TRAPPC9: variants seen among roughly 807,000 people sequenced by gnomAD.
TRAPPC9 encodes the protein IKK2 binding protein.
TRAPPC9 carries 83 observed loss-of-function variants against 124.0 expected under a neutral mutation model. That is an observed-to-expected ratio of 0.67 (90% CI 0.56 to 0.80). The LOEUF (loss-of-function observed/expected upper bound fraction) is 0.80, where lower values mean the gene tolerates loss of function less well. Among genes scored for constraint, TRAPPC9 ranks in the 30% least tolerant of loss-of-function variants. The pLI, the probability that TRAPPC9 is intolerant of heterozygous loss-of-function variation, is 0.00. For missense variants in TRAPPC9, 1,302 were observed against 1,508.3 expected, an observed-to-expected ratio of 0.86 and a Z score of 2.27; for synonymous variants, 638 against 617.5, an observed-to-expected ratio of 1.03 and a Z score of -0.49.
chr8:140,359,941 G>A (rs2067891690), intron 9 of TRAPPC9, 109 bp downstream of exon 9: 3 of 1,485,216 alleles, frequency 2.0e-6, no homozygotes, highest in Non-Finnish European at 1.9e-6. Context: ...GAGCTGGGCA[G>A]CATCTTCCAC....
At chr8:140,437,628 A>G (rs1472328849) in intron 3 of TRAPPC9, among the ~76,000 whole-genome samples, 2 of 152,152 alleles carry the variant, frequency 1.3e-5, no homozygotes, top group Non-Finnish European at 2.9e-5. Context: ...CGTCCCCAAG[A>G]ACGAAAGAAT....
intron 21 of TRAPPC9, among the ~76,000 whole-genome samples, chr8:139,881,519 A>T (rs1341550707): frequency 6.6e-6 from 1 of 152,102 alleles, no homozygotes; most frequent in Non-Finnish European, 1.5e-5. Context: ...TAGCAAATAG[A>T]CCTGCTCTGG....
intron 20 of TRAPPC9, among the ~76,000 whole-genome samples, chr8:139,886,452 C>T (rs985519252): frequency 5.9e-5 from 9 of 152,128 alleles, no homozygotes; most frequent in Non-Finnish European, 8.8e-5. Flanking sequence ...AGCTCATAAT[C>T]GAGGAAGCCA....
intron 16 of TRAPPC9, among the ~76,000 whole-genome samples, chr8:140,234,119 C>A (rs1430798218): frequency 6.6e-6 from 1 of 152,168 alleles, no homozygotes; most frequent in Non-Finnish European, 1.5e-5. Context: ...GGCCATGCAG[C>A]AGGAGGTGAG....
chr8:140,315,687 CAAATTAT>C (rs1346148310), intron 9 of TRAPPC9, among the ~76,000 whole-genome samples: 1 of 152,108 alleles, frequency 6.6e-6, no homozygotes, highest in Non-Finnish European at 1.5e-5. Context: ...TTTCCAAAAT[CAAATTAT>C]AAATTATATC....
At chr8:140,002,978 CA>C (rs1172998625) in intron 18 of TRAPPC9, among the ~76,000 whole-genome samples, 6 of 145,628 alleles carry the variant, frequency 4.1e-5, no homozygotes, top group African/African-American at 7.6e-5. Context: ...AAAAAAAGCA[CA>C]ACCAAAAGTA....
intron 17 of TRAPPC9, among the ~76,000 whole-genome samples, chr8:140,157,216 A>T (rs1400421665): frequency 6.9e-5 from 2 of 29,036 alleles, no homozygotes; most frequent in African/African-American, 1.6e-4. Context: ...TCCCTTTTCC[A>T]TTCAAAAGCC....
chr8:140,171,176 C>T (rs1341805347), intron 17 of TRAPPC9, among the ~76,000 whole-genome samples: 1 of 152,186 alleles, frequency 6.6e-6, no homozygotes, highest in Non-Finnish European at 1.5e-5. Flanking sequence ...TGGGGTTGGG[C>T]ATTTCTGGAT....
chr8:139,843,809 G>T (rs1220557110), intron 21 of TRAPPC9, among the ~76,000 whole-genome samples: 2 of 152,192 alleles, frequency 1.3e-5, no homozygotes, highest in Admixed American at 1.3e-4. Context: ...TAGCCCAGGA[G>T]CCCCACTTCT....
chr8:140,224,984 T>C (rs1195044160), intron 16 of TRAPPC9, among the ~76,000 whole-genome samples: 1 of 152,196 alleles, frequency 6.6e-6, no homozygotes, highest in African/African-American at 2.4e-5. Context: ...TCAAATAACC[T>C]TCTACAAGCT....
chr8:140,020,908 A>C (rs1839798303), intron 18 of TRAPPC9, among the ~76,000 whole-genome samples: 1 of 152,174 alleles, frequency 6.6e-6, no homozygotes, highest in Non-Finnish European at 1.5e-5. Flanking sequence ...TTCTCTTGAA[A>C]GTCTAACCGT....
chr8:139,951,410 G>A (rs772835332), intron 19 of TRAPPC9, among the ~76,000 whole-genome samples: 1 of 152,178 alleles, frequency 6.6e-6, no homozygotes, highest in South Asian at 2.1e-4. Context: ...TGCTGCCTGG[G>A]GGCAGGTGTC....
chr8:139,878,673 T>C (rs747736420), intron 21 of TRAPPC9, among the ~76,000 whole-genome samples: 14 of 152,164 alleles, frequency 9.2e-5, no homozygotes, highest in Non-Finnish European at 1.6e-4. Context: ...ACAGTTGCTT[T>C]GAAATTAGAG....
intron 17 of TRAPPC9, among the ~76,000 whole-genome samples, chr8:140,080,079 T>C (rs1843730616): frequency 6.6e-6 from 1 of 152,230 alleles, no homozygotes; most frequent in Admixed American, 6.5e-5. Flanking sequence ...GAATTAACCC[T>C]GTTTCATCAA....
chr8:140,283,816 A>T (rs980733184), intron 14 of TRAPPC9, 73 bp downstream of exon 14: 15 of 241,026 alleles, frequency 6.2e-5, no homozygotes, highest in Non-Finnish European at 8.5e-5. Context: ...TTGTGCCATT[A>T]AAAAAAAAAA....
intron 21 of TRAPPC9, among the ~76,000 whole-genome samples, chr8:139,831,171 C>A (rs953612519): frequency 1.3e-5 from 2 of 152,210 alleles, no homozygotes; most frequent in Non-Finnish European, 2.9e-5. Context: ...CAAGTTCACA[C>A]TCTAAGCTTC....
At chr8:140,210,899 T>G (rs1469228217) in intron 17 of TRAPPC9, among the ~76,000 whole-genome samples, 1 of 152,214 alleles carries the variant, frequency 6.6e-6, no homozygotes, top group East Asian at 1.9e-4. Flanking sequence ...TCCTCGCCGC[T>G]GATGGGAACA....
At chr8:140,028,773 T>C (rs180881543) in intron 17 of TRAPPC9, among the ~76,000 whole-genome samples, 41 of 152,274 alleles carry the variant, frequency 2.7e-4, no homozygotes, top group Non-Finnish European at 1.5e-4. Flanking sequence ...CGTTGTGTCA[T>C]GGATAAGTGT....
At chr8:139,862,864 G>A (rs1828258837) in intron 21 of TRAPPC9, among the ~76,000 whole-genome samples, 1 of 152,232 alleles carries the variant, frequency 6.6e-6, no homozygotes, top group Admixed American at 6.5e-5. Context: ...CCTTCCCACA[G>A]CCTAGGTCAT....
Sources: allele counts gnomAD v4.1 joint callset (sites outside exome capture counted in the v4.1 genomes callset), GRCh38; gene constraint gnomAD v4.1.1; transcripts MANE v1.5; gene names NCBI Gene and HGNC (gene_info 2026-07-23, HGNC 2026-07-21).